SCN10A: variants seen among roughly 807,000 people sequenced by gnomAD.
SCN10A encodes the protein sodium channel protein type 10 subunit alpha.
In SCN10A, 162 loss-of-function variants were observed where a neutral mutation model predicts 170.7. The observed-to-expected ratio is 0.95, with a 90% CI of 0.84 to 1.08. The LOEUF (loss-of-function observed/expected upper bound fraction) is 1.08, where lower values mean the gene tolerates loss of function less well. Ranked by LOEUF, SCN10A falls within the 50% of genes least tolerant of loss-of-function variation. SCN10A has a pLI of 0.00. For synonymous variants in SCN10A, 985 were observed against 904.6 expected, an observed-to-expected ratio of 1.09 and a Z score of -1.59; for missense variants, 2,527 against 2,436.9, an observed-to-expected ratio of 1.04 and a Z score of -0.78.
At chr3:38,752,106 A>G in intron 12 of SCN10A, 113 bp downstream of exon 12, 2 of 916,742 alleles carry the variant, frequency 2.2e-6, no homozygotes, top group Admixed American at 6.1e-5. Flanking sequence ...ATGGGGAGGC[A>G]TTGGACAGGA....
chr3:38,805,810 T>C (rs1559473045), intron 1 of SCN10A, among the ~76,000 whole-genome samples: 1 of 152,172 alleles, frequency 6.6e-6, no homozygotes, highest in Non-Finnish European at 1.5e-5. Flanking sequence ...TAATCCTGAG[T>C]TGCCTCTGAT....
At chr3:38,778,810 A>G (rs910696671) in intron 4 of SCN10A, among the ~76,000 whole-genome samples, 2 of 152,130 alleles carry the variant, frequency 1.3e-5, no homozygotes, top group East Asian at 3.9e-4. Context: ...AAGAAAATCT[A>G]GTCTGATTAT....
At chr3:38,750,883 T>A (rs892768388) in intron 12 of SCN10A, among the ~76,000 whole-genome samples, 3 of 152,210 alleles carry the variant, frequency 2.0e-5, no homozygotes, top group Admixed American at 2.0e-4. Context: ...ATGCCTTCAG[T>A]GAGGCATTTT....
intron 1 of SCN10A, among the ~76,000 whole-genome samples, chr3:38,805,237 C>A (rs1399612464): frequency 1.3e-5 from 2 of 152,084 alleles, no homozygotes; most frequent in African/African-American, 4.8e-5. Flanking sequence ...GTGGTTGGAC[C>A]TTTCATAGCA....
At position 38,698,331 on chromosome 3, in the gene SCN10A, G is replaced by C. The variant is rs752476251; in HGVS notation, c.4889C>G (p.Pro1630Arg). 2.5e-6 allele frequency: 4 copies of C among 1,613,982 alleles called. No homozygotes were observed. The highest frequency in any genetic ancestry group is 3.4e-6 in the Non-Finnish European group (4 of 1,179,880). The stretch of plus-strand genomic sequence containing the variant: ...GATGCCAGCCTCCCACCTCACATGG[G>C]GAAAGCTGGACATACCGAAGATAGA... ...IYSIFGMSSF[P>R]HVRWEAGIDD... Residue 1630 changes from proline (P) to arginine (R), a missense_variant, in exon 28 of 28, where the codon CCC becomes CGC. Transcript: ENST00000449082.
At chr3:38,713,646 G>A (rs1038106715) in intron 22 of SCN10A, among the ~76,000 whole-genome samples, 1 of 152,106 alleles carries the variant, frequency 6.6e-6, no homozygotes, top group African/African-American at 2.4e-5. Context: ...TGGTGGGATG[G>A]AGGGCATAAA....
At chr3:38,782,530 G>C (rs1274007779) in intron 4 of SCN10A, among the ~76,000 whole-genome samples, 4 of 151,938 alleles carry the variant, frequency 2.6e-5, no homozygotes, top group Admixed American at 2.6e-4. Flanking sequence ...TTGGCATTTT[G>C]AGAGGGTGGG....
At chr3:38,788,737 A>G (rs985451867) in intron 4 of SCN10A, among the ~76,000 whole-genome samples, 2 of 152,146 alleles carry the variant, frequency 1.3e-5, no homozygotes, top group Non-Finnish European at 2.9e-5. Context: ...CAAAGTTGAG[A>G]ACCACTAATC....
chr3:38,751,096 A>G (rs1231363615), intron 12 of SCN10A, among the ~76,000 whole-genome samples: 1 of 152,188 alleles, frequency 6.6e-6, no homozygotes, highest in Non-Finnish European at 1.5e-5. Flanking sequence ...TAGGCAGGAC[A>G]TTCAAGGATA....
At chr3:38,765,681 A>T (rs2063924541) in intron 5 of SCN10A, among the ~76,000 whole-genome samples, 1 of 152,128 alleles carries the variant, frequency 6.6e-6, no homozygotes, top group Non-Finnish European at 1.5e-5. Context: ...ATTCTTGCTT[A>T]GTCTTGCTTT....
Position 38,755,720 on chromosome 3 carries a change from C to T in SCN10A, c.1461+68G>A, listed in dbSNP as rs1045868668. 15 of 1,581,586 alleles carry T rather than the reference C, an allele frequency of 9.5e-6. No individual in the cohort carries two copies. In the Admixed American group the frequency reaches 2.2e-4, roughly 23 times the overall value. Reference sequence around the variant, plus strand: ...TTTCTCTGCCACACACCTCTTCCCACTCCAACTCATTGTCTACGGCAGCTG... The same window carrying T: ...TTTCTCTGCCACACACCTCTTCCCATTCCAACTCATTGTCTACGGCAGCTG... On this transcript the variant is annotated intron_variant, in intron 11 of 27. Coordinates refer to ENST00000449082, the MANE Select transcript of SCN10A (RefSeq NM_006514.4).
At position 38,712,283 on chromosome 3, in the gene SCN10A, AAGGTAC is replaced by A. The variant is rs1383610857; in HGVS notation, c.3961_3966del (p.Val1321_Pro1322del). 13 of 1,614,092 alleles carry A rather than the reference AAGGTAC, an allele frequency of 8.1e-6. No homozygotes were observed. Among genetic ancestry groups the A allele is most frequent in the African/African-American group, 5.3e-5 (4 of 74,942 alleles). ...TCAGACTTGTTATTCACAATCGACA[AAGGTAC>A]AAGGGAAAACTCTCCATCGGTATAG... On this transcript the variant is annotated inframe_deletion, in exon 23 of 28. Coordinates refer to ENST00000449082, the MANE Select transcript of SCN10A (RefSeq NM_006514.4).
At chr3:38,793,319 C>A (rs531193598) in intron 2 of SCN10A, among the ~76,000 whole-genome samples, 1 of 152,054 alleles carries the variant, frequency 6.6e-6, no homozygotes, top group Non-Finnish European at 1.5e-5. Flanking sequence ...TTTGGGGACA[C>A]CAGGGGTTCC....
intron 1 of SCN10A, among the ~76,000 whole-genome samples, chr3:38,797,461 C>T (rs537678593): frequency 1.4e-4 from 21 of 152,266 alleles, no homozygotes; most frequent in Non-Finnish European, 2.4e-4. Flanking sequence ...CTGTTTCTTA[C>T]GGAACTTTTC....
chr3:38,720,839 T>C (rs1216430104), intron 20 of SCN10A, among the ~76,000 whole-genome samples: 1 of 152,198 alleles, frequency 6.6e-6, no homozygotes, highest in Non-Finnish European at 1.5e-5. Context: ...CATGTGGTTA[T>C]TACTTTAATC....
intron 4 of SCN10A, among the ~76,000 whole-genome samples, chr3:38,779,927 A>G (rs1011727904): frequency 6.6e-6 from 1 of 151,814 alleles, no homozygotes; most frequent in Non-Finnish European, 1.5e-5. Context: ...GTCATGGCTT[A>G]ATATTTGGTT....
In SCN10A at chr3:38,763,589, C is replaced by T. The variant is rs774347834; in HGVS notation, c.607G>A (p.Gly203Ser). 9.3e-6 allele frequency: 15 copies of T among 1,613,310 alleles called. No homozygotes were observed. Among genetic ancestry groups the T allele is most frequent in the Non-Finnish European group, 1.2e-5 (14 of 1,179,484 alleles). The change falls in exon 6 of 28, where the codon GGC becomes AGC. Residue 203 changes from glycine (G) to serine (S), a missense_variant. By Grantham distance (56) the Gly-to-Ser change is moderately conservative (BLOSUM62 0). Transcript: ENST00000449082. ...ATCCCACGGAGATCTATTGCTGTGC[C>T]AACATATCTGTAGGACCAGAAGTTA... The part of the protein sequence containing the change: ...DFSVITLAYV[G>S]TAIDLRGISG...
At chr3:38,776,688 G>C (rs2064079207) in intron 4 of SCN10A, among the ~76,000 whole-genome samples, 1 of 152,068 alleles carries the variant, frequency 6.6e-6, no homozygotes, top group African/African-American at 2.4e-5. Flanking sequence ...GTAGGAGATG[G>C]AGAGAGATGA....
chr3:38,797,456 T>C (rs1473833239), intron 1 of SCN10A, among the ~76,000 whole-genome samples: 1 of 152,214 alleles, frequency 6.6e-6, no homozygotes, highest in Non-Finnish European at 1.5e-5. Flanking sequence ...TTGATCTGTT[T>C]CTTACGGAAC....
Sources: allele counts gnomAD v4.1 joint callset (sites outside exome capture counted in the v4.1 genomes callset), GRCh38; gene constraint gnomAD v4.1.1; transcripts MANE v1.5; gene names NCBI Gene and HGNC (gene_info 2026-07-23, HGNC 2026-07-21).